Variants in TRPC5 observed in about 807,000 individuals in gnomAD.
The protein encoded by TRPC5 is short transient receptor potential channel 5.
In TRPC5, 9 loss-of-function variants were observed where a neutral mutation model predicts 56.5. The observed-to-expected ratio is 0.16, with a 90% CI of 0.10 to 0.28. The LOEUF (loss-of-function observed/expected upper bound fraction) is 0.28, where lower values mean the gene tolerates loss of function less well. Among genes scored for constraint, TRPC5 ranks in the 10% least tolerant of loss-of-function variants. The pLI, the probability that TRPC5 is intolerant of heterozygous loss-of-function variation, is 1.00. For synonymous variants in TRPC5, 282 were observed against 278.5 expected, an observed-to-expected ratio of 1.01 and a Z score of -0.13; for missense variants, 469 against 748.9, an observed-to-expected ratio of 0.63 and a Z score of 4.36.
At chrX:111,826,591 T>C (rs920675328) in intron 7 of TRPC5, among the ~76,000 whole-genome samples, 1 of 112,576 alleles carries the variant, frequency 8.9e-6, no homozygotes, top group African/African-American at 3.2e-5. Flanking sequence ...TTGAAATGGC[T>C]TTGCTCCAAT....
At chrX:111,970,845 C>T (rs1005474548) in intron 1 of TRPC5, among the ~76,000 whole-genome samples, 40 of 105,807 alleles carry the variant, frequency 3.8e-4, no homozygotes, top group Non-Finnish European at 7.2e-4. Context: ...TCTCGGCTCA[C>T]TGCAAGCTCC....
intron 6 of TRPC5, among the ~76,000 whole-genome samples, chrX:111,842,079 A>ATCTG (rs1457105467): frequency 2.1e-5 from 2 of 93,238 alleles, no homozygotes; most frequent in Non-Finnish European, 4.0e-5. Flanking sequence ...CTATCTATCT[A>ATCTG]TGTGTGTGTG....
intron 1 of TRPC5, among the ~76,000 whole-genome samples, chrX:112,041,593 T>A (rs768689486): frequency 1.8e-5 from 2 of 111,812 alleles, no homozygotes; most frequent in South Asian, 7.5e-4. Flanking sequence ...AGTCAAATTC[T>A]CCAGTCCACA....
Position 111,878,644 on chromosome X carries a change from C to T in TRPC5, c.901-24538G>A, listed in dbSNP as rs73639662. On this transcript the variant is annotated intron_variant, in intron 3 of 10. Coordinates refer to ENST00000262839, the MANE Select transcript of TRPC5 (RefSeq NM_012471.3). ...ATTGACAATGGCACCTCCCCTCAAT[C>T]GTGACAACCAAAAGCCTCTCCAGAC... is the stretch of plus-strand genomic sequence containing the variant. 5.1e-3 allele frequency among the ~76,000 whole-genome samples: 571 copies of T among 111,624 alleles called. 3 individuals carry two copies. Among genetic ancestry groups the T allele is most frequent in the African/African-American group, 0.018 (551 of 30,709 alleles).
chrX:111,926,706 A>T (rs1257647061), intron 2 of TRPC5, among the ~76,000 whole-genome samples: 4 of 112,325 alleles, frequency 3.6e-5, no homozygotes, highest in Non-Finnish European at 7.5e-5. Context: ...CACTATTCAT[A>T]TTTCATGGAT....
intron 7 of TRPC5, among the ~76,000 whole-genome samples, chrX:111,804,752 G>T (rs1394544349): frequency 9.0e-6 from 1 of 111,536 alleles, no homozygotes; most frequent in Non-Finnish European, 1.9e-5. Context: ...GAGATTTTGG[G>T]CTGAGATGGG....
At chrX:111,864,246 C>T (rs1429483172) in intron 3 of TRPC5, among the ~76,000 whole-genome samples, 1 of 111,926 alleles carries the variant, frequency 8.9e-6, no homozygotes, top group Non-Finnish European at 1.9e-5. Context: ...CCTCCACCTC[C>T]CAAAGTGCTG....
At chrX:111,933,596 C>A (rs1481820458) in intron 2 of TRPC5, among the ~76,000 whole-genome samples, 1 of 111,613 alleles carries the variant, frequency 9.0e-6, no homozygotes, top group Non-Finnish European at 1.9e-5. Flanking sequence ...CAAACAAAAA[C>A]ACTCATGTGT....
intron 7 of TRPC5, among the ~76,000 whole-genome samples, chrX:111,807,425 CTA>C (rs1175550253): frequency 8.9e-6 from 1 of 112,365 alleles, no homozygotes; most frequent in African/African-American, 3.2e-5. Context: ...TAAATTATTT[CTA>C]TCTTTTTAAA....
At chrX:111,825,252 C>CTT (rs1422274194) in intron 7 of TRPC5, among the ~76,000 whole-genome samples, 45 of 84,470 alleles carry the variant, frequency 5.3e-4, no homozygotes, top group African/African-American at 2.5e-3. Flanking sequence ...CTCTCTCTCT[C>CTT]TCTTTCTTTC....
chrX:112,075,185 G>A (rs1002444012), intron 1 of TRPC5, among the ~76,000 whole-genome samples: 20 of 112,185 alleles, frequency 1.8e-4, no homozygotes, highest in Admixed American at 1.2e-3. Context: ...TTTTCTGTTC[G>A]TTCTTGAGGT....
chrX:111,916,929 T>C (rs974020160), intron 2 of TRPC5, among the ~76,000 whole-genome samples: 2 of 112,690 alleles, frequency 1.8e-5, no homozygotes, highest in African/African-American at 6.4e-5. Flanking sequence ...GGAGAAGAAA[T>C]TGGATATTTA....
intron 1 of TRPC5, among the ~76,000 whole-genome samples, chrX:111,965,010 G>A (rs780590251): frequency 8.9e-6 from 1 of 111,857 alleles, no homozygotes; most frequent in Non-Finnish European, 1.9e-5. Context: ...AAATGCTCCA[G>A]TTAAAAGACA....
At chrX:112,061,526 G>A (rs960056051) in intron 1 of TRPC5, among the ~76,000 whole-genome samples, 11 of 112,011 alleles carry the variant, frequency 9.8e-5, no homozygotes, top group African/African-American at 3.6e-4. Flanking sequence ...AAAAGAAGAG[G>A]AGGAGCTGTG....
intron 2 of TRPC5, among the ~76,000 whole-genome samples, chrX:111,926,744 G>A (rs1235361077): frequency 1.8e-5 from 2 of 112,235 alleles, no homozygotes; most frequent in African/African-American, 6.5e-5. Flanking sequence ...AAAAGGTAAG[G>A]TAATTTGTCT....
At chrX:111,789,958 G>A (rs763704309) in intron 7 of TRPC5, among the ~76,000 whole-genome samples, 32 of 112,200 alleles carry the variant, frequency 2.9e-4, no homozygotes, top group African/African-American at 9.4e-4. Flanking sequence ...TACACTGTTG[G>A]TGGGAGTGTA....
chrX:111,784,356 A>T (rs1476060223), intron 7 of TRPC5, among the ~76,000 whole-genome samples: 1 of 112,493 alleles, frequency 8.9e-6, no homozygotes, highest in Non-Finnish European at 1.9e-5. Context: ...AAATGAAAAG[A>T]TAACTCATAG....
At chrX:111,788,748 C>A (rs777078761) in intron 7 of TRPC5, among the ~76,000 whole-genome samples, 230 of 111,208 alleles carry the variant, frequency 2.1e-3, no homozygotes, top group African/African-American at 7.5e-3. Flanking sequence ...GCAAAAATCA[C>A]AAGCATTCTT....
intron 2 of TRPC5, among the ~76,000 whole-genome samples, chrX:111,921,978 G>A (rs1164392702): frequency 2.7e-5 from 3 of 112,392 alleles, no homozygotes; most frequent in Non-Finnish European, 5.6e-5. Context: ...CGAATAGATT[G>A]AGCTACAGTC....
Sources: allele counts gnomAD v4.1 joint callset (sites outside exome capture counted in the v4.1 genomes callset), GRCh38; gene constraint gnomAD v4.1.1; transcripts MANE v1.5; gene names NCBI Gene and HGNC (gene_info 2026-07-23, HGNC 2026-07-21).